The following SMG6 variants were observed in gnomAD, a reference collection of about 807,000 sequenced individuals.
SMG6 encodes the protein SMG6 nonsense mediated mRNA decay factor, also known as telomerase-binding protein EST1A.
Under a neutral mutation model 142.2 loss-of-function variants are expected in SMG6, and 66 were observed. The ratio of observed to expected loss-of-function variants is 0.46; its 90% CI spans 0.38 to 0.57. The LOEUF is 0.57. SMG6 is among the 20% of genes least tolerant of loss of function. SMG6 has a pLI of 0.00. For missense variants in SMG6, 1,793 were observed against 1,832.0 expected, an observed-to-expected ratio of 0.98 and a Z score of 0.39; for synonymous variants, 779 against 702.4, an observed-to-expected ratio of 1.11 and a Z score of -1.72.
intron 13 of SMG6, among the ~76,000 whole-genome samples, chr17:2,152,800 C>T (rs551947045): frequency 7.2e-5 from 11 of 152,164 alleles, no homozygotes; most frequent in Non-Finnish European, 1.3e-4. Context: ...TCACATAAAC[C>T]ACCCGTTCCA....
At chr17:2,126,736 A>C (rs1335101478) in intron 13 of SMG6, among the ~76,000 whole-genome samples, 1 of 149,668 alleles carries the variant, frequency 6.7e-6, no homozygotes, top group Non-Finnish European at 1.5e-5. Flanking sequence ...AAAAAAAAGC[A>C]AACTGGACTT....
intron 8 of SMG6, among the ~76,000 whole-genome samples, chr17:2,259,320 A>G (rs1188651656): frequency 2.0e-5 from 3 of 152,218 alleles, no homozygotes; most frequent in African/African-American, 7.2e-5. Flanking sequence ...ACCCTCAAAT[A>G]GTATCAGTAA....
In SMG6 at chr17:2,085,737, T is replaced by C; in HGVS notation, c.3522A>G (p.Arg1174=). The C allele has an allele frequency of 6.2e-7, 1 of 1,613,792 alleles. No homozygotes were observed. Among genetic ancestry groups the C allele is most frequent in the Non-Finnish European group, 8.5e-7 (1 of 1,179,890 alleles). Reference sequence around the variant, plus strand: ...TCCCGCATAGTACCTCATCTTCCAGTCGTGTTCCCTCTTGGCTTCCCATTT... The same window carrying C: ...TCCCGCATAGTACCTCATCTTCCAGCCGTGTTCCCTCTTGGCTTCCCATTT... ...GKEMGSQEGT[R]LEDEEEDVVI... The change falls in exon 14 of 19, where the codon CGA becomes CGG. Residue 1174 remains arginine (R), a synonymous_variant. Coordinates refer to ENST00000263073, the MANE Select transcript of SMG6 (RefSeq NM_017575.5). This position sits in a 1 kb window ranked among gnomAD's most constrained non-coding sequence, Gnocchi z 4.1.
chr17:2,124,142 T>C (rs559278642), intron 13 of SMG6, among the ~76,000 whole-genome samples: 2 of 152,230 alleles, frequency 1.3e-5, no homozygotes, highest in South Asian at 2.1e-4. Context: ...GGTGGGACAG[T>C]TGGGGCACTT....
intron 13 of SMG6, among the ~76,000 whole-genome samples, chr17:2,128,251 C>T (rs185566844): frequency 4.6e-5 from 7 of 152,308 alleles, no homozygotes; most frequent in South Asian, 2.1e-4. Flanking sequence ...CACGGAGCAG[C>T]GGCGGTCAAG....
intron 8 of SMG6, among the ~76,000 whole-genome samples, chr17:2,253,775 C>T (rs1449877268): frequency 6.6e-6 from 1 of 152,188 alleles, no homozygotes; most frequent in Admixed American, 6.5e-5. Context: ...CCATCCCATT[C>T]TATGATAGCA....
intron 13 of SMG6, among the ~76,000 whole-genome samples, chr17:2,140,045 A>G (rs949105851): frequency 6.7e-6 from 1 of 149,862 alleles, no homozygotes; most frequent in East Asian, 2.0e-4. Context: ...CCTGTTAACT[A>G]ATTTTTTTTA....
chr17:2,223,632 C>G (rs760034835), intron 10 of SMG6, among the ~76,000 whole-genome samples: 6 of 152,178 alleles, frequency 3.9e-5, no homozygotes, highest in Non-Finnish European at 1.5e-5. Flanking sequence ...ATCTCTAACT[C>G]ACATCTTTTT....
intron 13 of SMG6, among the ~76,000 whole-genome samples, chr17:2,106,041 G>A (rs1157383780): frequency 6.6e-6 from 1 of 152,162 alleles, no homozygotes; most frequent in East Asian, 1.9e-4. Flanking sequence ...AAGCAACAGG[G>A]TGTGTTACTT....
At chr17:2,210,121 A>C (rs1567685213) in intron 10 of SMG6, among the ~76,000 whole-genome samples, 1 of 152,088 alleles carries the variant, frequency 6.6e-6, no homozygotes, top group Non-Finnish European at 1.5e-5. Context: ...CTAGGTCCAG[A>C]GCTCCTTGCT....
chr17:2,297,331 A>C lies in SMG6; in HGVS notation c.2063T>G (p.Leu688Trp). The C allele has an allele frequency of 6.2e-7, 1 of 1,612,492 alleles. No individual in the cohort carries two copies. Among genetic ancestry groups the C allele is most frequent in the Non-Finnish European group, 8.5e-7 (1 of 1,179,266 alleles). The change falls in exon 4 of 19, where the codon TTG (leucine) becomes TGG (tryptophan). Residue 688 changes from leucine to tryptophan, a missense_variant. Around this residue, in one of 3 missense-constraint regions of SMG6, gnomAD observed 1,597 missense variants for 1,584.6 expected, o/e 1.01. Coordinates refer to ENST00000263073, the MANE Select transcript of SMG6 (RefSeq NM_017575.5). Reference protein sequence around the residue: ...LDEGSDFFDSLLQKLQVTYKF... With the variant: ...LDEGSDFFDSWLQKLQVTYKF... ...GTAAGTAACCTGCAGCTTCTGAAGCAAACTATCAAAGAAGTCACTACCCTA... is the reference window on the plus strand; with the variant it reads ...GTAAGTAACCTGCAGCTTCTGAAGCCAACTATCAAAGAAGTCACTACCCTA...
chr17:2,193,326 A>C (rs1285393028), intron 10 of SMG6, among the ~76,000 whole-genome samples: 1 of 152,154 alleles, frequency 6.6e-6, no homozygotes, highest in Non-Finnish European at 1.5e-5. Flanking sequence ...GCCTCCCTAG[A>C]AGCCGAAATG....
chr17:2,298,830 C>G, intron 2 of SMG6, 76 bp downstream of exon 2: 1 of 1,422,786 alleles, frequency 7.0e-7, no homozygotes, highest in Non-Finnish European at 9.5e-7. Flanking sequence ...AAAGTTTCTA[C>G]CTTCCTCAGC....
At chr17:2,164,075 G>A (rs1031881735) in intron 13 of SMG6, among the ~76,000 whole-genome samples, 15 of 151,532 alleles carry the variant, frequency 9.9e-5, no homozygotes, top group Middle Eastern at 3.4e-3. Context: ...AAACAAGGAC[G>A]ACAATGACAG....
At chr17:2,218,692 G>A (rs1158829848) in intron 10 of SMG6, among the ~76,000 whole-genome samples, 1 of 152,224 alleles carries the variant, frequency 6.6e-6, no homozygotes, top group African/African-American at 2.4e-5. Flanking sequence ...CACCTGAGGT[G>A]AGGTGAAAGA....
At chr17:2,079,812 C>T (rs9908259) in intron 15 of SMG6, among the ~76,000 whole-genome samples, 92,166 of 151,680 alleles carry the variant, frequency 0.61, 28,269 homozygotes, top group Middle Eastern at 0.68. Flanking sequence ...CAGTGGCTCA[C>T]GCCTGTAATC....
chr17:2,261,188 C>A (rs2074304562), intron 8 of SMG6, among the ~76,000 whole-genome samples: 1 of 151,260 alleles, frequency 6.6e-6, no homozygotes, highest in African/African-American at 2.4e-5. Context: ...GTGGCGAGCA[C>A]CTGTAGTCCC....
chr17:2,271,114 T>G (rs1284444736), intron 8 of SMG6, among the ~76,000 whole-genome samples: 4 of 143,828 alleles, frequency 2.8e-5, no homozygotes, highest in African/African-American at 1.1e-4. Context: ...TGTTTTTTTC[T>G]GGTTTTTTTT....
intron 10 of SMG6, among the ~76,000 whole-genome samples, chr17:2,221,238 T>C (rs993255778): frequency 2.0e-5 from 3 of 152,112 alleles, no homozygotes; most frequent in Non-Finnish European, 4.4e-5. Context: ...TGGTAGGAGG[T>C]GACTGCATCC....
Sources: gnomAD v4.1 joint callset for allele counts (sites outside exome capture counted in the v4.1 genomes callset) on GRCh38, gnomAD v4.1.1 for gene constraint, gnomAD v4.1.1 regional missense constraint, Gnocchi (gnomAD v3.1) non-coding constraint, MANE v1.5 for transcripts, NCBI Gene and HGNC (gene_info 2026-07-23, HGNC 2026-07-21) for gene names.